Variants in MARCHF3 observed in about 807,000 individuals in gnomAD.
The protein encoded by MARCHF3 is E3 ubiquitin-protein ligase MARCHF3.
A neutral mutation model predicts 24.2 loss-of-function variants in MARCHF3; 13 were observed. The observed-to-expected ratio is 0.54, with a 90% CI of 0.35 to 0.85. MARCHF3 has a LOEUF of 0.85. Among genes scored for constraint, MARCHF3 ranks in the 40% least tolerant of loss-of-function variants. MARCHF3 has a pLI of 0.01. For missense variants in MARCHF3, 276 were observed against 325.0 expected (o/e 0.85, Z 1.16); for synonymous variants, 144 against 137.3 (o/e 1.05, Z -0.34).
At chr5:126,920,492 G>A (rs1181132094) in intron 1 of MARCHF3, among the ~76,000 whole-genome samples, 4 of 152,210 alleles carry the variant, frequency 2.6e-5, no homozygotes, top group African/African-American at 7.2e-5. Flanking sequence ...AGCAGACACA[G>A]TGACCTTCTT....
At chr5:126,940,589 A>G (rs1410971153) in intron 1 of MARCHF3, among the ~76,000 whole-genome samples, 1 of 151,982 alleles carries the variant, frequency 6.6e-6, no homozygotes, top group African/African-American at 2.4e-5. Flanking sequence ...CTGGGATTAC[A>G]GGCACCCGCC....
intron 1 of MARCHF3, among the ~76,000 whole-genome samples, chr5:126,992,766 A>ATTTTTTTTTTTTTTTTTTTTTTTTTTT: frequency 3.1e-5 from 3 of 95,504 alleles, no homozygotes; most frequent in African/African-American, 4.1e-5. Flanking sequence ...CATCCACGTG[A>ATTTTTTTTTTTTTTTTTTTTTTTTTTT]TTTTTTTTTT....
At chr5:126,895,120 C>A (rs977529955) in intron 3 of MARCHF3, among the ~76,000 whole-genome samples, 4 of 152,076 alleles carry the variant, frequency 2.6e-5, no homozygotes, top group Admixed American at 6.6e-5. Flanking sequence ...GAGGCTTCTG[C>A]ATTCTTCACG....
At chr5:126,909,808 G>A (rs1754453838) in intron 3 of MARCHF3, among the ~76,000 whole-genome samples, 1 of 152,098 alleles carries the variant, frequency 6.6e-6, no homozygotes, top group African/African-American at 2.4e-5. Context: ...GACCGGAGCT[G>A]TTCCTATTCT....
chr5:126,938,641 A>G (rs1435035653), intron 1 of MARCHF3, among the ~76,000 whole-genome samples: 3 of 151,964 alleles, frequency 2.0e-5, no homozygotes, highest in African/African-American at 7.3e-5. Context: ...TTCTCTTCAT[A>G]TTTGTGAGTC....
At chr5:126,917,598 A>G (rs1039598656) in intron 2 of MARCHF3, among the ~76,000 whole-genome samples, 1 of 152,134 alleles carries the variant, frequency 6.6e-6, no homozygotes, top group Admixed American at 6.5e-5. Context: ...TTTGCCCACA[A>G]ATCCAATCAC....
intron 1 of MARCHF3, among the ~76,000 whole-genome samples, chr5:126,959,906 T>C (rs1750583971): frequency 6.6e-6 from 1 of 152,126 alleles, no homozygotes; most frequent in South Asian, 2.1e-4. Context: ...CTTTGTCTCC[T>C]AGGTTATTAG....
intron 1 of MARCHF3, among the ~76,000 whole-genome samples, chr5:126,947,294 T>G (rs1750059528): frequency 6.6e-6 from 1 of 152,234 alleles, no homozygotes; most frequent in African/African-American, 2.4e-5. Flanking sequence ...GTGACAGACA[T>G]CAGGGCTCCT....
chr5:126,910,730 C>A (rs1385636195), intron 3 of MARCHF3, among the ~76,000 whole-genome samples: 2 of 152,074 alleles, frequency 1.3e-5, no homozygotes, highest in Admixed American at 1.3e-4. Context: ...GTTTGTAGAG[C>A]ATGTGTTTTT....
chr5:126,932,527 T>C (rs943930030), intron 1 of MARCHF3, among the ~76,000 whole-genome samples: 2 of 152,178 alleles, frequency 1.3e-5, no homozygotes, highest in East Asian at 1.9e-4. Flanking sequence ...GGCATGATCC[T>C]GGGCTGGGGA....
chr5:126,962,699 T>G (rs1750676927), intron 1 of MARCHF3, among the ~76,000 whole-genome samples: 1 of 152,044 alleles, frequency 6.6e-6, no homozygotes, highest in Admixed American at 6.6e-5. Context: ...TGTTTAGACT[T>G]AGGTCTCATC....
At chr5:127,027,973 A>G (rs963873742) in intron 1 of MARCHF3, among the ~76,000 whole-genome samples, 1 of 152,342 alleles carries the variant, frequency 6.6e-6, no homozygotes, top group Admixed American at 6.5e-5. Flanking sequence ...TGAATTTCTA[A>G]GAAACAGCCT....
chr5:126,974,418 T>C (rs1419497871), intron 1 of MARCHF3, among the ~76,000 whole-genome samples: 1 of 152,226 alleles, frequency 6.6e-6, no homozygotes, highest in Non-Finnish European at 1.5e-5. Flanking sequence ...AATTCTGTTA[T>C]TGGACCAAAA....
intron 3 of MARCHF3, among the ~76,000 whole-genome samples, chr5:126,895,197 T>A (rs1184933206): frequency 4.6e-5 from 7 of 152,090 alleles, no homozygotes; most frequent in South Asian, 2.1e-4. Context: ...TGGTTATTCC[T>A]GTTATACATT....
chr5:126,918,367 C>T (rs1748980540), intron 1 of MARCHF3, 140 bp from the exon 2 acceptor site: 1 of 595,832 alleles, frequency 1.7e-6, no homozygotes, highest in Non-Finnish European at 2.9e-6. Context: ...TATCTTGTTA[C>T]TGTTTAATAC....
chr5:126,939,932 G>C (rs1247998795), intron 1 of MARCHF3, among the ~76,000 whole-genome samples: 3 of 152,080 alleles, frequency 2.0e-5, no homozygotes, highest in African/African-American at 7.2e-5. Context: ...CCTAACACAC[G>C]TATTTTCTCT....
At chr5:126,928,695 T>C (rs1013337989) in intron 1 of MARCHF3, among the ~76,000 whole-genome samples, 6 of 152,244 alleles carry the variant, frequency 3.9e-5, no homozygotes, top group African/African-American at 1.4e-4. Flanking sequence ...CCAATATTTT[T>C]ATTTTACTTT....
chr5:127,015,474 T>C (rs1041541085), intron 1 of MARCHF3, among the ~76,000 whole-genome samples: 1 of 152,126 alleles, frequency 6.6e-6, no homozygotes, highest in Non-Finnish European at 1.5e-5. Flanking sequence ...TGCCTCACAA[T>C]TTAGTTGGCA....
chr5:126,969,559 A>C (rs1016319743), intron 1 of MARCHF3, among the ~76,000 whole-genome samples: 6 of 152,212 alleles, frequency 3.9e-5, no homozygotes, highest in African/African-American at 1.4e-4. Flanking sequence ...AGAGAAAAGG[A>C]AGCAAAAATC....
Sources: allele counts gnomAD v4.1 joint callset (sites outside exome capture counted in the v4.1 genomes callset), GRCh38; gene constraint gnomAD v4.1.1; transcripts MANE v1.5; gene names NCBI Gene and HGNC (gene_info 2026-07-23, HGNC 2026-07-21).